The following B4GALT1 variants were observed in gnomAD, a reference collection of about 807,000 sequenced individuals.
The protein encoded by B4GALT1 is beta-1,4-galactosyltransferase 1, also known as N-acetyllactosamine synthase.
A neutral mutation model predicts 34.9 loss-of-function variants in B4GALT1; 16 were observed. That is an observed-to-expected ratio of 0.46 (90% CI 0.31 to 0.70). The LOEUF is 0.70. Among genes scored for constraint, B4GALT1 ranks in the 30% least tolerant of loss-of-function variants. The probability of loss-of-function intolerance (pLI) is 0.05; values close to 1 mark genes in which losing one functional copy is unlikely to be tolerated. For synonymous variants in B4GALT1, 221 were observed against 218.1 expected (o/e 1.01, Z -0.12); for missense variants, 445 against 530.5 (o/e 0.84, Z 1.58).
At chr9:33,143,501 C>G (rs1389950690) in intron 1 of B4GALT1, among the ~76,000 whole-genome samples, 1 of 152,258 alleles carries the variant, frequency 6.6e-6, no homozygotes, top group Non-Finnish European at 1.5e-5. Context: ...ATTGCAGAGG[C>G]TTTCATGCTG....
intron 1 of B4GALT1, among the ~76,000 whole-genome samples, chr9:33,152,807 G>A (rs2118256610): frequency 6.6e-6 from 1 of 152,254 alleles, no homozygotes; most frequent in South Asian, 2.1e-4. Flanking sequence ...CTGGGAGGCG[G>A]TGGTTGCAGT....
chr9:33,177,995 T>TC, the B4GALT1 span, among the ~76,000 whole-genome samples: 383 of 149,468 alleles, frequency 2.6e-3, 2 homozygotes, highest in African/African-American at 9.2e-3. Context: ...ACTTTTTTTT[T>TC]TTTTTTTTTT....
chr9:33,106,764 GAGA>G (rs1391839175), downstream of B4GALT1, among the ~76,000 whole-genome samples: 1 of 152,212 alleles, frequency 6.6e-6, no homozygotes, highest in Non-Finnish European at 1.5e-5. Context: ...CAAGAAGACA[GAGA>G]AGGTTAGTCG....
At chr9:33,109,899 G>A (rs887597141), downstream of B4GALT1, among the ~76,000 whole-genome samples, 7 of 151,814 alleles carry the variant, frequency 4.6e-5, no homozygotes, top group Admixed American at 4.6e-4. Context: ...AAAGAAACAG[G>A]TTTTTTTTTG....
At chr9:33,162,975 A>G (rs1056254639) in intron 1 of B4GALT1, among the ~76,000 whole-genome samples, 1 of 152,204 alleles carries the variant, frequency 6.6e-6, no homozygotes. Context: ...TTTTCCACGA[A>G]AAAAACAACA....
chr9:33,123,277 CAAAAAAAAA>C (rs72342632), intron 2 of B4GALT1, among the ~76,000 whole-genome samples: 3 of 85,708 alleles, frequency 3.5e-5, no homozygotes, highest in Admixed American at 1.6e-4. Context: ...GACACTGTCT[CAAAAAAAAA>C]AAAAAAAAAA....
At chr9:33,117,072 G>A (rs978153250) in intron 3 of B4GALT1, among the ~76,000 whole-genome samples, 4 of 152,064 alleles carry the variant, frequency 2.6e-5, no homozygotes, top group African/African-American at 4.8e-5. Context: ...CTCTGTTCCC[G>A]CACATGAAGT....
chr9:33,166,027 C>A (rs775968656), intron 1 of B4GALT1, among the ~76,000 whole-genome samples: 3 of 152,132 alleles, frequency 2.0e-5, no homozygotes, highest in Admixed American at 6.5e-5. Flanking sequence ...GGGAGAGATC[C>A]CTGCTCACCT....
intron 1 of B4GALT1, among the ~76,000 whole-genome samples, chr9:33,152,530 T>A (rs1305111829): frequency 7.7e-4 from 63 of 81,576 alleles, no homozygotes; most frequent in East Asian, 9.4e-4. Context: ...AGAAAAAGGG[T>A]AAAAAAAAAT....
At chr9:33,176,528 A>C in the B4GALT1 span, among the ~76,000 whole-genome samples, 2 of 152,192 alleles carry the variant, frequency 1.3e-5, no homozygotes, top group Admixed American at 1.3e-4. Context: ...ACAACCATAG[A>C]AAAGAACAAA....
intron 2 of B4GALT1, among the ~76,000 whole-genome samples, chr9:33,132,025 T>TG (rs1564043051): frequency 1.3e-5 from 2 of 151,186 alleles, no homozygotes; most frequent in Non-Finnish European, 2.9e-5. Context: ...AGAGAGTAGC[T>TG]GGGGAAGTGG....
chr9:33,137,151 C>G (rs1264470011), intron 1 of B4GALT1, among the ~76,000 whole-genome samples: 1 of 152,168 alleles, frequency 6.6e-6, no homozygotes, highest in Non-Finnish European at 1.5e-5. Context: ...GCTGTGTGTC[C>G]CTGCACAAGG....
At chr9:33,160,875 ATCTCTT>A (rs1488918119) in intron 1 of B4GALT1, among the ~76,000 whole-genome samples, 1 of 152,164 alleles carries the variant, frequency 6.6e-6, no homozygotes, top group African/African-American at 2.4e-5. Context: ...GTGCTTTTAT[ATCTCTT>A]TCAACTTTTC....
chr9:33,135,547 C>A, intron 1 of B4GALT1, 123 bp from the exon 2 acceptor site: 1 of 983,712 alleles, frequency 1.0e-6, no homozygotes, highest in Non-Finnish European at 1.6e-6. Context: ...TGGGAGGCAA[C>A]GTGGCCACGG....
At chr9:33,122,148 AAAGT>A (rs1840029731) in intron 2 of B4GALT1, among the ~76,000 whole-genome samples, 1 of 152,162 alleles carries the variant, frequency 6.6e-6, no homozygotes, top group South Asian at 2.1e-4. Flanking sequence ...CTTTGGGGAA[AAAGT>A]GTGTCATAGG....
downstream of B4GALT1, chr9:33,108,668 CTCTGTGTG>C (rs1410934148): frequency 1.3e-5 from 2 of 151,806 alleles, no homozygotes; most frequent in Non-Finnish European, 2.9e-5. Context: ...ATGTGTGTGT[CTCTGTGTG>C]TCTGTGTGGA....
intron 2 of B4GALT1, among the ~76,000 whole-genome samples, chr9:33,126,385 C>T (rs953402239): frequency 5.3e-5 from 8 of 152,160 alleles, no homozygotes; most frequent in African/African-American, 1.9e-4. Context: ...TTGTGGAGGG[C>T]TAATAATATC....
intron 1 of B4GALT1, among the ~76,000 whole-genome samples, chr9:33,152,617 C>T (rs1840537736): frequency 6.6e-6 from 1 of 151,978 alleles, no homozygotes; most frequent in African/African-American, 2.4e-5. Flanking sequence ...TGGCTCACAC[C>T]TGTAATCCCA....
intron 1 of B4GALT1, among the ~76,000 whole-genome samples, chr9:33,153,760 T>G (rs1004090999): frequency 3.9e-5 from 6 of 152,004 alleles, no homozygotes; most frequent in Non-Finnish European, 5.9e-5. Context: ...GCTTTACTGG[T>G]GAACGCTACC....
Sources: gnomAD v4.1 joint callset for allele counts (sites outside exome capture counted in the v4.1 genomes callset) on GRCh38, gnomAD v4.1.1 for gene constraint, MANE v1.5 for transcripts, NCBI Gene and HGNC (gene_info 2026-07-23, HGNC 2026-07-21) for gene names.